TMEM232: variants seen among roughly 807,000 people sequenced by gnomAD.
TMEM232 encodes the protein transmembrane protein 232.
In TMEM232, 80 loss-of-function variants were observed where a neutral mutation model predicts 78.8. The observed-to-expected ratio is 1.01, with a 90% CI of 0.85 to 1.22. TMEM232 has a LOEUF of 1.22. TMEM232 is among the 50% of genes most tolerant of loss of function. TMEM232 has a pLI of 0.00. For synonymous variants in TMEM232, 297 were observed against 254.3 expected (o/e 1.17, Z -1.60); for missense variants, 881 against 742.2 (o/e 1.19, Z -2.17).
downstream of TMEM232, chr5:110,418,112 C>A (rs1756327738): frequency 6.6e-6 from 1 of 152,162 alleles, no homozygotes. Flanking sequence ...AATGTGGTAG[C>A]AGTTTCCAGC....
chr5:110,738,943 C>T (rs186912891), upstream of TMEM232: 3 of 1,430,738 alleles, frequency 2.1e-6, no homozygotes, highest in East Asian at 5.1e-5. Flanking sequence ...TTAATGGTTG[C>T]CGGAAGAGGC....
At position 110,624,496 on chromosome 5, in the gene TMEM232, G is replaced by A. The variant is rs116886470; in HGVS notation, c.768+771C>T. On this transcript the variant is annotated intron_variant, in intron 7 of 13. Coordinates refer to ENST00000455884, the MANE Select transcript of TMEM232 (RefSeq NM_001039763.4). Reference sequence around the variant, plus strand: ...AGCATGTCTGTTCTCTTCATGATCAGTGCTCTTTCTGTTGCTCGATATCTT... The same window carrying A: ...AGCATGTCTGTTCTCTTCATGATCAATGCTCTTTCTGTTGCTCGATATCTT... Among the ~76,000 whole-genome samples, 44 of 152,190 alleles carry A rather than the reference G, an allele frequency of 2.9e-4. No homozygotes were observed. The East Asian group carries it at 7.2e-3, about 25-fold the overall frequency.
intron 12 of TMEM232, among the ~76,000 whole-genome samples, chr5:110,452,877 A>C (rs190588849): frequency 3.8e-4 from 58 of 152,348 alleles, no homozygotes; most frequent in South Asian, 2.3e-3. Context: ...GGTAGGGTTT[A>C]GTTCCTATTA....
At chr5:110,693,784 C>T (rs1173821703) in intron 1 of TMEM232, among the ~76,000 whole-genome samples, 4 of 152,062 alleles carry the variant, frequency 2.6e-5, no homozygotes, top group Non-Finnish European at 5.9e-5. Context: ...AACAAAGCCT[C>T]CAAGAAATAT....
intron 10 of TMEM232, among the ~76,000 whole-genome samples, chr5:110,594,937 C>A (rs1038110905): frequency 2.4e-4 from 37 of 152,218 alleles, no homozygotes; most frequent in Non-Finnish European, 4.8e-4. Context: ...GGGCAGACTG[C>A]CCCCTCAAAT....
At chr5:110,415,339 C>T (rs311706), downstream of TMEM232, among the ~76,000 whole-genome samples, 41,355 of 151,664 alleles carry the variant, frequency 0.27, 9,312 homozygotes, top group African/African-American at 0.61. Flanking sequence ...AGGCGCCTGC[C>T]ACCACACCTG....
At chr5:110,594,091 T>A (rs1375379830) in intron 10 of TMEM232, among the ~76,000 whole-genome samples, 2 of 151,928 alleles carry the variant, frequency 1.3e-5, no homozygotes, top group African/African-American at 4.8e-5. Context: ...TTTCTACATT[T>A]CTAACTGAAG....
At chr5:110,443,172 T>C (rs1016629906) in intron 12 of TMEM232, among the ~76,000 whole-genome samples, 5 of 152,238 alleles carry the variant, frequency 3.3e-5, no homozygotes, top group South Asian at 2.1e-4. Context: ...CTTCAGGACA[T>C]TGTGCTCCCC....
intron 12 of TMEM232, chr5:110,429,961 G>C (rs536177930): frequency 6.6e-6 from 1 of 151,424 alleles, no homozygotes; most frequent in Admixed American, 6.6e-5. Flanking sequence ...AATTTCTTCC[G>C]ATGAAGGCCT....
rs114254515 is a variant in TMEM232, at chr5:110,624,232, T to G, written c.768+1035A>C. Among the ~76,000 whole-genome samples the G allele has an allele frequency of 1.8e-3, 272 of 152,258 alleles. 2 individuals carry two copies. Among genetic ancestry groups the G allele is most frequent in the African/African-American group, 6.2e-3 (258 of 41,556 alleles). ...CACTGTTTAGGGTAAAGTGAGGTCC[T>G]AAATATATATTTTCAGTAATTATTA... is the stretch of plus-strand genomic sequence containing the variant. On this transcript the variant is annotated intron_variant, in intron 7 of 13. Transcript: ENST00000455884.
In TMEM232 at chr5:110,476,625, C is replaced by A. The variant is rs142163990; in HGVS notation, c.1704-51709G>T. 3.3e-5 allele frequency among the ~76,000 whole-genome samples: 5 copies of A among 152,088 alleles called. No homozygotes were observed. In the East Asian group the frequency reaches 7.7e-4, roughly 23 times the overall value. On this transcript the variant is annotated intron_variant, in intron 12 of 13. Coordinates refer to ENST00000455884, the MANE Select transcript of TMEM232 (RefSeq NM_001039763.4). Reference sequence around the variant, plus strand: ...AAATGTTATTGTAATGATTCTAGATCTTCTATTCATACAAAGAATTAAGTT... The same window carrying A: ...AAATGTTATTGTAATGATTCTAGATATTCTATTCATACAAAGAATTAAGTT...
upstream of TMEM232, among the ~76,000 whole-genome samples, chr5:110,727,694 T>G (rs946630545): frequency 6.6e-6 from 1 of 152,218 alleles, no homozygotes; most frequent in African/African-American, 2.4e-5. Context: ...TGAAAGAAAA[T>G]TTAACTTGAA....
intron 2 of TMEM232, among the ~76,000 whole-genome samples, chr5:110,665,982 T>C (rs1042691216): frequency 6.6e-6 from 1 of 151,306 alleles, no homozygotes; most frequent in African/African-American, 2.4e-5. Context: ...GACAGGAGGA[T>C]CATTTGAGCC....
intron 12 of TMEM232, among the ~76,000 whole-genome samples, chr5:110,498,373 C>T (rs1435157473): frequency 6.6e-6 from 1 of 152,128 alleles, no homozygotes; most frequent in Non-Finnish European, 1.5e-5. Context: ...GACTACATGA[C>T]TTGCTAAGCC....
chr5:110,675,500 A>G (rs181918958), intron 1 of TMEM232, among the ~76,000 whole-genome samples: 192 of 152,304 alleles, frequency 1.3e-3, no homozygotes, highest in Non-Finnish European at 2.0e-3. Context: ...TTAAAACAAA[A>G]GAAAAACGGA....
intron 2 of TMEM232, among the ~76,000 whole-genome samples, chr5:110,648,834 A>C (rs1787890416): frequency 6.6e-6 from 1 of 152,036 alleles, no homozygotes; most frequent in Non-Finnish European, 1.5e-5. Context: ...GGGACACAGG[A>C]TTTTAAGGTT....
chr5:110,673,990 G>GAAAAAA (rs35347916), intron 1 of TMEM232, among the ~76,000 whole-genome samples: 1 of 127,754 alleles, frequency 7.8e-6, no homozygotes, highest in Non-Finnish European at 1.6e-5. Context: ...GAGGTAACAT[G>GAAAAAA]AAAAAAAAAA....
chr5:110,657,486 T>C (rs1443403584), intron 2 of TMEM232, among the ~76,000 whole-genome samples: 9 of 152,020 alleles, frequency 5.9e-5, no homozygotes, highest in Non-Finnish European at 1.2e-4. Flanking sequence ...GATAACACTA[T>C]GTTAAAGCAC....
At position 110,625,583 on chromosome 5, in the gene TMEM232, G is replaced by A. The variant is rs955890918; in HGVS notation, c.602-150C>T. 3 of 587,512 alleles carry A rather than the reference G, an allele frequency of 5.1e-6. No individual in the cohort carries two copies. The African/African-American group carries it at 5.8e-5, about 11-fold the overall frequency. The allele number at this position is 587,512 out of a possible 1,614,324, so 36.4% of individuals were successfully genotyped here. A position where few individuals can be genotyped will look rare whatever the true frequency, so the allele number is the denominator to read the frequency against. ...ATTTAAGATTTATAATGTTATGTAT[G>A]CCCCCTGGTGGTATAATAGAATACT... On this transcript the variant is annotated intron_variant, in intron 6 of 13. Transcript: ENST00000455884.
Sources: gnomAD v4.1 joint callset for allele counts (sites outside exome capture counted in the v4.1 genomes callset) on GRCh38, gnomAD v4.1.1 for gene constraint, MANE v1.5 for transcripts, NCBI Gene and HGNC (gene_info 2026-07-23, HGNC 2026-07-21) for gene names.